FHIT: variants seen among roughly 807,000 people sequenced by gnomAD.
The protein encoded by FHIT is fragile histidine triad diadenosine triphosphatase, also known as bis(5'-adenosyl)-triphosphatase.
FHIT carries 19 observed loss-of-function variants against 17.9 expected under a neutral mutation model. That is an observed-to-expected ratio of 1.06 (90% CI 0.74 to 1.56). The LOEUF is 1.56. FHIT is among the 40% of genes most tolerant of loss of function. The pLI is 0.00. For missense variants in FHIT, 248 were observed against 189.2 expected, an observed-to-expected ratio of 1.31 and a Z score of -1.82; for synonymous variants, 81 against 69.7, an observed-to-expected ratio of 1.16 and a Z score of -0.81.
At chr3:60,437,156 T>C (rs1311520721) in intron 5 of FHIT, among the ~76,000 whole-genome samples, 2 of 152,134 alleles carry the variant, frequency 1.3e-5, no homozygotes, top group Admixed American at 1.3e-4. Context: ...GAAAATCGTA[T>C]GCCTTAAAAA....
chr3:60,466,786 T>C (rs2107433630), intron 5 of FHIT, among the ~76,000 whole-genome samples: 1 of 151,642 alleles, frequency 6.6e-6, no homozygotes, highest in South Asian at 2.1e-4. Context: ...TTGTTGAGGA[T>C]TTTTGCATCT....
intron 8 of FHIT, among the ~76,000 whole-genome samples, chr3:59,801,994 G>A (rs1700013116): frequency 6.6e-6 from 1 of 152,120 alleles, no homozygotes; most frequent in South Asian, 2.1e-4. Context: ...TTCCAAACGT[G>A]TATCAAATAC....
At chr3:60,647,462 C>A (rs1310360652) in intron 4 of FHIT, among the ~76,000 whole-genome samples, 1 of 152,066 alleles carries the variant, frequency 6.6e-6, no homozygotes, top group Admixed American at 6.5e-5. Flanking sequence ...CCAAGGCCTC[C>A]TAGAAAGAAG....
chr3:60,880,876 T>C (rs1704942024), intron 3 of FHIT, among the ~76,000 whole-genome samples: 1 of 151,994 alleles, frequency 6.6e-6, no homozygotes, highest in South Asian at 2.1e-4. Context: ...GAACAAAGGA[T>C]ATGCAAAATA....
intron 3 of FHIT, among the ~76,000 whole-genome samples, chr3:60,876,526 A>G: frequency 6.6e-6 from 1 of 152,206 alleles, no homozygotes; most frequent in East Asian, 1.9e-4. Flanking sequence ...ACTGCCAAGT[A>G]TTCGAAGTGT....
At chr3:60,101,152 G>A (rs1173829391) in intron 5 of FHIT, among the ~76,000 whole-genome samples, 1 of 152,218 alleles carries the variant, frequency 6.6e-6, no homozygotes, top group Non-Finnish European at 1.5e-5. Context: ...TCTGTATACA[G>A]CCGCCAGAAG....
At chr3:61,149,079 T>G (rs189027871) in intron 2 of FHIT, among the ~76,000 whole-genome samples, 1 of 152,338 alleles carries the variant, frequency 6.6e-6, no homozygotes, top group Non-Finnish European at 1.5e-5. Flanking sequence ...GAAAACTAAT[T>G]GATGAAACTA....
intron 4 of FHIT, among the ~76,000 whole-genome samples, chr3:60,804,663 A>T (rs1701320433): frequency 6.6e-6 from 1 of 152,166 alleles, no homozygotes. Context: ...TGAAGAAAAA[A>T]TTTCCCTTTG....
At chr3:60,940,048 A>C (rs1371809390) in intron 3 of FHIT, among the ~76,000 whole-genome samples, 2 of 152,148 alleles carry the variant, frequency 1.3e-5, no homozygotes, top group Non-Finnish European at 2.9e-5. Flanking sequence ...ACATGACTAT[A>C]CCATATGCTA....
chr3:59,801,650 A>G (rs1699997531), intron 8 of FHIT, among the ~76,000 whole-genome samples: 1 of 152,110 alleles, frequency 6.6e-6, no homozygotes, highest in Admixed American at 6.5e-5. Flanking sequence ...TATCAATGCT[A>G]GATACACCAC....
At chr3:61,032,305 A>C (rs1317613557) in intron 3 of FHIT, among the ~76,000 whole-genome samples, 1 of 152,158 alleles carries the variant, frequency 6.6e-6, no homozygotes. Flanking sequence ...GAGCTAGGAG[A>C]CCTCAAGAGG....
chr3:59,884,754 A>C (rs190016797), intron 8 of FHIT, among the ~76,000 whole-genome samples: 25 of 152,300 alleles, frequency 1.6e-4, no homozygotes, highest in African/African-American at 5.3e-4. Context: ...GGAGAAGTCA[A>C]CACCTTGTCA....
intron 5 of FHIT, among the ~76,000 whole-genome samples, chr3:60,088,295 G>A (rs772998211): frequency 1.7e-4 from 26 of 152,134 alleles, no homozygotes; most frequent in Non-Finnish European, 2.4e-4. Flanking sequence ...TTCAACATGT[G>A]CCTTGACAGG....
At chr3:60,606,244 A>AT (rs554313411) in intron 4 of FHIT, among the ~76,000 whole-genome samples, 8,084 of 142,306 alleles carry the variant, frequency 0.057, 467 homozygotes, top group African/African-American at 0.15. Flanking sequence ...TTGTAATAGC[A>AT]TTTTTTTTTT....
At chr3:59,888,928 T>C (rs1421530332) in intron 8 of FHIT, among the ~76,000 whole-genome samples, 1 of 152,196 alleles carries the variant, frequency 6.6e-6, no homozygotes, top group Non-Finnish European at 1.5e-5. Context: ...GTGAAAGGCA[T>C]CACATAGCCA....
At chr3:60,560,885 G>A (rs1252490996) in intron 4 of FHIT, among the ~76,000 whole-genome samples, 1 of 150,746 alleles carries the variant, frequency 6.6e-6, no homozygotes, top group African/African-American at 2.4e-5. Flanking sequence ...AAGGAGAGGT[G>A]GGGAGGAAGT....
chr3:59,752,192 T>C lies in FHIT; in HGVS notation c.*5+29A>G, dbSNP rs376824468. On this transcript the variant is annotated intron_variant, in intron 9 of 9. Transcript: ENST00000492590. ...CTCTTTCCTGAGGCCCACGGGAGGGTCTGGGTAATGACGAAATGCAGTCTT... is the reference window on the plus strand; with the variant it reads ...CTCTTTCCTGAGGCCCACGGGAGGGCCTGGGTAATGACGAAATGCAGTCTT... The C allele has an allele frequency of 2.2e-4, 333 of 1,521,078 alleles. 1 individual carries two copies. The African/African-American group carries it at 4.0e-3, about 18-fold the overall frequency. The allele number at this position is 1,521,078 out of a possible 1,614,324, so 94.2% of individuals were successfully genotyped here.
intron 8 of FHIT, among the ~76,000 whole-genome samples, chr3:59,899,529 A>G (rs887268923): frequency 6.6e-6 from 1 of 152,158 alleles, no homozygotes; most frequent in African/African-American, 2.4e-5. Flanking sequence ...AGTCAATGGA[A>G]GGTTTAAGAA....
chr3:60,903,173 A>G (rs1706212198), intron 3 of FHIT, among the ~76,000 whole-genome samples: 1 of 152,222 alleles, frequency 6.6e-6, no homozygotes. Flanking sequence ...TTTGTATATG[A>G]AAAGGAGATA....
Sources: gnomAD v4.1 joint callset for allele counts (sites outside exome capture counted in the v4.1 genomes callset) on GRCh38, gnomAD v4.1.1 for gene constraint, MANE v1.5 for transcripts, NCBI Gene and HGNC (gene_info 2026-07-23, HGNC 2026-07-21) for gene names.